SYNE1: variants seen among roughly 807,000 people sequenced by gnomAD.
The protein encoded by SYNE1 is nesprin-1.
Under a neutral mutation model 1,111.0 loss-of-function variants are expected in SYNE1, and 616 were observed. That is an observed-to-expected ratio of 0.55 (90% CI 0.52 to 0.59). SYNE1 has a LOEUF of 0.59. Among genes scored for constraint, SYNE1 ranks in the 20% least tolerant of loss-of-function variants. SYNE1 has a pLI of 0.00. For missense variants in SYNE1, 10,006 were observed against 10,417.0 expected, an observed-to-expected ratio of 0.96 and a Z score of 1.72; for synonymous variants, 3,855 against 3,825.8, an observed-to-expected ratio of 1.01 and a Z score of -0.28.
At chr6:152,553,949 AG>A (rs889473773) in intron 3 of SYNE1, among the ~76,000 whole-genome samples, 21 of 152,214 alleles carry the variant, frequency 1.4e-4, no homozygotes, top group African/African-American at 5.1e-4. Flanking sequence ...AATGAAGGCA[AG>A]GGGCTGGGAC....
intron 98 of SYNE1, among the ~76,000 whole-genome samples, chr6:152,274,519 T>G (rs1453205799): frequency 4.7e-5 from 7 of 148,340 alleles, no homozygotes; most frequent in African/African-American, 1.5e-4. Flanking sequence ...GTTACTTTTT[T>G]GGGGGTGGGG....
chr6:152,263,426 T>C (rs2092317078), intron 100 of SYNE1, among the ~76,000 whole-genome samples: 2 of 152,100 alleles, frequency 1.3e-5, no homozygotes, highest in African/African-American at 4.8e-5. Context: ...GGTTTCACTC[T>C]GTCACCCAAG....
Position 152,330,133 on chromosome 6 carries a change from T to A in SYNE1, c.14552A>T (p.Tyr4851Phe). ...DLAPHLDPLAYEKARHQIQSW... is the reference protein window; with the variant it reads ...DLAPHLDPLAFEKARHQIQSW... ...CTGGATCTGATGCCTGGCTTTCTCA[T>A]AAGCCAAGGGGTCAAGGTGTGGGGC... Residue 4851 changes from tyrosine (Y) to phenylalanine (F), a missense_variant, in exon 78 of 146, where the codon TAT becomes TTT. Tyr to Phe is a conservative substitution (Grantham distance 22). Transcript: ENST00000367255. The A allele has an allele frequency of 6.2e-7, 1 of 1,614,220 alleles. No individual in the cohort carries two copies. The highest frequency in any genetic ancestry group is 8.5e-7 in the Non-Finnish European group (1 of 1,180,024).
chr6:152,442,019 C>T, intron 31 of SYNE1, 56 bp downstream of exon 31: 1 of 1,605,520 alleles, frequency 6.2e-7, no homozygotes, highest in Non-Finnish European at 8.5e-7. Flanking sequence ...GAGGCACAAC[C>T]GGAAGTGAAC....
intron 3 of SYNE1, among the ~76,000 whole-genome samples, chr6:152,557,657 A>G (rs1358191823): frequency 1.3e-5 from 2 of 152,196 alleles, no homozygotes; most frequent in South Asian, 2.1e-4. Flanking sequence ...AAGTGGGATA[A>G]TATAATCAAA....
At chr6:152,186,295 G>A (rs927998074) in intron 128 of SYNE1, among the ~76,000 whole-genome samples, 10 of 152,024 alleles carry the variant, frequency 6.6e-5, no homozygotes, top group Admixed American at 2.6e-4. Context: ...GGTGGCTTAC[G>A]CCTGTCATCT....
At chr6:152,328,380 T>TTTTTTTTATTTA (rs1554460766) in intron 78 of SYNE1, among the ~76,000 whole-genome samples, 12 of 137,512 alleles carry the variant, frequency 8.7e-5, no homozygotes, top group African/African-American at 3.2e-4. Context: ...TCTTATTTTA[T>TTTTTTTTATTTA]TTTATTTATT....
intron 24 of SYNE1, 42 bp from the exon 25 acceptor site, chr6:152,453,762 G>T: frequency 6.2e-7 from 1 of 1,613,532 alleles, no homozygotes; most frequent in South Asian, 1.1e-5. Flanking sequence ...TTGGACAGAC[G>T]AAAAGGCAGC....
chr6:152,353,560 C>T (rs762883033), intron 68 of SYNE1, 29 bp downstream of exon 68: 1 of 1,614,096 alleles, frequency 6.2e-7, no homozygotes, highest in Admixed American at 1.7e-5. Context: ...GTTTGCTGGT[C>T]TATGCTGAGC....
chr6:152,407,757 A>G (rs887160279), intron 44 of SYNE1, among the ~76,000 whole-genome samples: 3 of 142,168 alleles, frequency 2.1e-5, no homozygotes, highest in Admixed American at 1.4e-4. Context: ...AAATAAAAGA[A>G]TGTTCTTTTT....
chr6:152,227,620 T>C (rs1476369681), intron 115 of SYNE1, among the ~76,000 whole-genome samples: 1 of 152,194 alleles, frequency 6.6e-6, no homozygotes, highest in Non-Finnish European at 1.5e-5. Context: ...TCTATTTCTG[T>C]AAAGAGATTA....
Position 152,225,663 on chromosome 6 carries a change from A to C in SYNE1, c.21351+58T>G. ...CTACTTTAGGAAAACCAAAACCCAG[A>C]GTTTGGACAGAGCTGGCAAACACGG... On this transcript the variant is annotated intron_variant, in intron 116 of 145. Coordinates refer to ENST00000367255, the MANE Select transcript of SYNE1 (RefSeq NM_182961.4). 4.4e-6 allele frequency: 7 copies of C among 1,609,118 alleles called. No homozygotes were observed. The South Asian group carries it at 6.6e-5, about 15-fold the overall frequency.
At chr6:152,518,001 A>T (rs2099120754) in intron 6 of SYNE1, among the ~76,000 whole-genome samples, 2 of 151,472 alleles carry the variant, frequency 1.3e-5, no homozygotes, top group East Asian at 3.9e-4. Context: ...TGGGGCACAA[A>T]ATAGAACACA....
chr6:152,309,227 C>T (rs992900288), intron 90 of SYNE1, among the ~76,000 whole-genome samples: 1 of 151,976 alleles, frequency 6.6e-6, no homozygotes, highest in Non-Finnish European at 1.5e-5. Context: ...CAACAAATTA[C>T]AAGATAACAG....
chr6:152,187,926 A>G lies in SYNE1; in HGVS notation c.23301+1326T>C, dbSNP rs182397378. On this transcript the variant is annotated intron_variant, in intron 128 of 145. Coordinates refer to ENST00000367255, the MANE Select transcript of SYNE1 (RefSeq NM_182961.4). ...TTTTTAGTAGAGACAGGGTTTCACC[A>G]TGTTGGCCAGGCTGGTCTTGAACTC... Among the ~76,000 whole-genome samples the G allele has an allele frequency of 2.6e-3, 390 of 152,136 alleles. 2 individuals are homozygous for G. Among genetic ancestry groups the G allele is most frequent in the African/African-American group, 9.0e-3 (372 of 41,518 alleles).
At chr6:152,581,185 T>C (rs144166374) in intron 3 of SYNE1, among the ~76,000 whole-genome samples, 379 of 152,260 alleles carry the variant, frequency 2.5e-3, no homozygotes, top group African/African-American at 8.3e-3. Flanking sequence ...GAATTCCCGG[T>C]GAAGTGCAGC....
chr6:152,398,572 C>T, intron 49 of SYNE1, 47 bp downstream of exon 49: 2 of 1,515,484 alleles, frequency 1.3e-6, no homozygotes, highest in Non-Finnish European at 1.8e-6. Flanking sequence ...CCTGCAGGCA[C>T]CTGAGTACAT....
intron 3 of SYNE1, among the ~76,000 whole-genome samples, chr6:152,600,227 C>A (rs577219172): frequency 1.3e-5 from 2 of 152,092 alleles, no homozygotes; most frequent in Non-Finnish European, 2.9e-5. Context: ...CAACAGATGG[C>A]GAGAGGCTAA....
At chr6:152,500,580 G>A (rs2099023990) in intron 10 of SYNE1, among the ~76,000 whole-genome samples, 1 of 152,030 alleles carries the variant, frequency 6.6e-6, no homozygotes, top group Non-Finnish European at 1.5e-5. Context: ...CTAACTATTG[G>A]CGTGATGTCT....
Sources: gnomAD v4.1 joint callset for allele counts (sites outside exome capture counted in the v4.1 genomes callset) on GRCh38, gnomAD v4.1.1 for gene constraint, MANE v1.5 for transcripts, NCBI Gene and HGNC (gene_info 2026-07-23, HGNC 2026-07-21) for gene names.